Variants in ETNK1 observed in about 807,000 individuals in gnomAD.
ETNK1 encodes ethanolamine kinase 1, also known as putative protein product of Nbla10396.
ETNK1 carries 8 observed loss-of-function variants against 45.1 expected under a neutral mutation model. The ratio of observed to expected loss-of-function variants is 0.18; its 90% CI spans 0.10 to 0.32. ETNK1 has a LOEUF of 0.32. Among genes scored for constraint, ETNK1 ranks in the 10% least tolerant of loss-of-function variants. The pLI is 1.00. For synonymous variants in ETNK1, 152 were observed against 151.9 expected, an observed-to-expected ratio of 1.00 and a Z score of -0.01; for missense variants, 302 against 430.6, an observed-to-expected ratio of 0.70 and a Z score of 2.64.
Position 22,627,150 on chromosome 12 carries a change from AT to A in ETNK1, c.156+1574del, listed in dbSNP as rs146943602. On this transcript the variant is annotated intron_variant, in intron 1 of 7. Transcript: ENST00000266517. ...TAGCTACTGTGGGGTTAGTTAAATT[AT>A]TTTTTTTTTATCTTAGTCGCCCGAA... Among the ~76,000 whole-genome samples, 14 of 150,444 alleles carry A rather than the reference AT, an allele frequency of 9.3e-5. 1 individual carries two copies. Among genetic ancestry groups the A allele is most frequent in the South Asian group, 6.3e-4 (3 of 4,764 alleles).
In ETNK1 at chr12:22,683,151, T is replaced by G. The variant is rs369811524; in HGVS notation, c.946-1332T>G. Among the ~76,000 whole-genome samples, 9 of 152,296 alleles carry G rather than the reference T, an allele frequency of 5.9e-5. No individual in the cohort carries two copies. The South Asian group carries it at 8.3e-4, about 14-fold the overall frequency. ...TAAAGCCACACGCCAGAGCCCAGCT[T>G]GTTTTTTTAACTTTTATGCTTCATG... On this transcript the variant is annotated intron_variant, in intron 6 of 7. Coordinates refer to ENST00000266517, the MANE Select transcript of ETNK1 (RefSeq NM_018638.5).
intron 2 of ETNK1, 126 bp downstream of exon 2, chr12:22,644,148 G>A: frequency 6.6e-7 from 1 of 1,507,794 alleles, no homozygotes; most frequent in Non-Finnish European, 9.0e-7. Context: ...TCTTTAGCTA[G>A]GGTTTTTGTT....
chr12:22,646,754 G>A (rs1327971350), intron 2 of ETNK1, among the ~76,000 whole-genome samples: 1 of 151,750 alleles, frequency 6.6e-6, no homozygotes, highest in East Asian at 1.9e-4. Context: ...TATGACGAAG[G>A]TATCTCATTT....
intron 1 of ETNK1, among the ~76,000 whole-genome samples, chr12:22,635,700 T>A (rs1953647382): frequency 1.3e-5 from 2 of 152,196 alleles, no homozygotes; most frequent in South Asian, 2.1e-4. Flanking sequence ...TTTAATTTTT[T>A]AAAAAAATTG....
intron 2 of ETNK1, among the ~76,000 whole-genome samples, chr12:22,653,239 A>G (rs1953899911): frequency 1.3e-5 from 2 of 152,136 alleles, no homozygotes; most frequent in African/African-American, 4.8e-5. Context: ...TGACAGCACC[A>G]TAATGTTTTG....
At chr12:22,665,548 G>C (rs1954045707) in intron 4 of ETNK1, among the ~76,000 whole-genome samples, 1 of 152,072 alleles carries the variant, frequency 6.6e-6, no homozygotes, top group Non-Finnish European at 1.5e-5. Flanking sequence ...TTCTGTAAGG[G>C]GCTATGTAGT....
intron 1 of ETNK1, among the ~76,000 whole-genome samples, chr12:22,641,828 A>G (rs1953742123): frequency 6.6e-6 from 1 of 152,162 alleles, no homozygotes; most frequent in African/African-American, 2.4e-5. Context: ...CCAGTTATGT[A>G]GCTGTTGTGC....
intron 4 of ETNK1, among the ~76,000 whole-genome samples, chr12:22,666,262 T>C (rs531355549): frequency 1.1e-4 from 16 of 152,208 alleles, no homozygotes; most frequent in Admixed American, 5.9e-4. Flanking sequence ...AATGACATCC[T>C]GAAAAGGTAA....
In ETNK1 at chr12:22,637,183, C is replaced by G. The variant is rs974305873; in HGVS notation, c.157-6580C>G. On this transcript the variant is annotated intron_variant, in intron 1 of 7. Transcript: ENST00000266517. ...GGATTCTCTTTCCCTTTGCTGGGAC[C>G]TGAGAATTCTCTCAAGACATTAAGC... Among the ~76,000 whole-genome samples, 9 of 152,214 alleles carry G rather than the reference C, an allele frequency of 5.9e-5. No individual in the cohort carries two copies. The South Asian group carries it at 1.9e-3, about 31-fold the overall frequency.
chr12:22,660,957 G>T, intron 3 of ETNK1, 106 bp from the exon 4 acceptor site: 2 of 902,734 alleles, frequency 2.2e-6, no homozygotes, highest in Non-Finnish European at 1.7e-6. Context: ...GAATTCAGCA[G>T]TATGTGCGAT....
chr12:22,676,870 G>A (rs1426739653), intron 6 of ETNK1, among the ~76,000 whole-genome samples: 1 of 149,918 alleles, frequency 6.7e-6, no homozygotes, highest in Non-Finnish European at 1.5e-5. Flanking sequence ...TTTTTTTCTT[G>A]TAAATTTGTT....
At chr12:22,646,718 C>T (rs1157992822) in intron 2 of ETNK1, among the ~76,000 whole-genome samples, 1 of 151,734 alleles carries the variant, frequency 6.6e-6, no homozygotes, top group African/African-American at 2.4e-5. Flanking sequence ...GCTCATTCAA[C>T]CATAGCTGTA....
chr12:22,669,855 T>G (rs1315658686), intron 4 of ETNK1, among the ~76,000 whole-genome samples: 1 of 152,052 alleles, frequency 6.6e-6, no homozygotes, highest in Non-Finnish European at 1.5e-5. Context: ...GTAGTTGAAT[T>G]GCCGTGATTT....
At chr12:22,627,349 G>A (rs1953516232) in intron 1 of ETNK1, among the ~76,000 whole-genome samples, 1 of 151,954 alleles carries the variant, frequency 6.6e-6, no homozygotes, top group Non-Finnish European at 1.5e-5. Context: ...AAGACCTTTG[G>A]GTTTATAATC....
chr12:22,664,349 C>T (rs1013204890), intron 4 of ETNK1, among the ~76,000 whole-genome samples: 1 of 151,786 alleles, frequency 6.6e-6, no homozygotes, highest in Non-Finnish European at 1.5e-5. Flanking sequence ...TATGACATGA[C>T]GATTCAGTTC....
chr12:22,640,536 TTAA>T (rs903664123), intron 1 of ETNK1, among the ~76,000 whole-genome samples: 3 of 152,170 alleles, frequency 2.0e-5, no homozygotes, highest in Non-Finnish European at 4.4e-5. Context: ...TATTTTAGTC[TTAA>T]TTATTATTTT....
chr12:22,667,102 A>T (rs958288891), intron 4 of ETNK1, among the ~76,000 whole-genome samples: 5 of 152,192 alleles, frequency 3.3e-5, no homozygotes, highest in Non-Finnish European at 4.4e-5. Flanking sequence ...AATATCTGTA[A>T]GTCAGATAAT....
chr12:22,675,448 T>G (rs921107688), intron 6 of ETNK1, among the ~76,000 whole-genome samples: 1 of 151,474 alleles, frequency 6.6e-6, no homozygotes, highest in African/African-American at 2.4e-5. Context: ...CTCAAACTCC[T>G]GAGCACAAGG....
chr12:22,661,337 TTTTAG>T, intron 4 of ETNK1, 132 bp downstream of exon 4: 1 of 553,738 alleles, frequency 1.8e-6, no homozygotes, highest in Admixed American at 3.9e-5. Flanking sequence ...AAAGATTTTC[TTTTAG>T]TTTATCAAGT....
Sources: allele counts gnomAD v4.1 joint callset (sites outside exome capture counted in the v4.1 genomes callset), GRCh38; gene constraint gnomAD v4.1.1; transcripts MANE v1.5; gene names NCBI Gene and HGNC (gene_info 2026-07-23, HGNC 2026-07-21).